Variants in PRKG2 observed in about 807,000 individuals in gnomAD.
The protein encoded by PRKG2 is cGMP-dependent protein kinase 2.
In PRKG2, 33 loss-of-function variants were observed where a neutral mutation model predicts 97.2. The ratio of observed to expected loss-of-function variants is 0.34; its 90% confidence interval spans 0.26 to 0.45. PRKG2 has a LOEUF of 0.45. PRKG2 is among the 20% of genes least tolerant of loss of function. PRKG2 has a pLI of 1.00. For synonymous variants in PRKG2, 330 were observed against 321.8 expected (o/e 1.03, Z -0.27); for missense variants, 638 against 900.0 (o/e 0.71, Z 3.73).
chr4:81,182,404 A>T (rs1658096205), intron 2 of PRKG2, among the ~76,000 whole-genome samples: 1 of 152,050 alleles, frequency 6.6e-6, no homozygotes, highest in Non-Finnish European at 1.5e-5. Flanking sequence ...AATCTCCTTA[A>T]TCTGATAAAA....
intron 18 of PRKG2, among the ~76,000 whole-genome samples, chr4:81,092,149 G>C (rs1016741602): frequency 1.3e-5 from 2 of 151,860 alleles, no homozygotes; most frequent in East Asian, 3.9e-4. Flanking sequence ...TGGGACTTAA[G>C]TGGCACTGAC....
upstream of PRKG2, among the ~76,000 whole-genome samples, chr4:81,216,059 G>C (rs1264207802): frequency 6.6e-6 from 1 of 152,084 alleles, no homozygotes; most frequent in Admixed American, 6.6e-5. Context: ...TTTCTGTGTT[G>C]AGAGATGGAA....
intron 2 of PRKG2, chr4:81,176,147 A>G (rs1396677519): frequency 1.3e-5 from 2 of 152,120 alleles, no homozygotes; most frequent in African/African-American, 4.8e-5. Flanking sequence ...CTTCTTCCCT[A>G]CAGTGACTCA....
At chr4:81,213,045 C>A (rs1269576317) in intron 1 of PRKG2, among the ~76,000 whole-genome samples, 1 of 152,118 alleles carries the variant, frequency 6.6e-6, no homozygotes, top group Admixed American at 6.5e-5. Context: ...ACACATAGGG[C>A]ACCGTGTATG....
chr4:81,091,563 G>A (rs370103538), intron 18 of PRKG2, among the ~76,000 whole-genome samples: 3 of 152,148 alleles, frequency 2.0e-5, no homozygotes, highest in South Asian at 4.1e-4. Flanking sequence ...GATTACAGGC[G>A]TGAGCCACCA....
chr4:81,129,716 C>A (rs1745968418), intron 14 of PRKG2, among the ~76,000 whole-genome samples: 1 of 152,244 alleles, frequency 6.6e-6, no homozygotes, highest in East Asian at 1.9e-4. Flanking sequence ...GCATTTTGAG[C>A]CTATGTGTGT....
intron 6 of PRKG2, among the ~76,000 whole-genome samples, chr4:81,154,927 C>G (rs1032832954): frequency 6.6e-6 from 1 of 152,136 alleles, no homozygotes; most frequent in African/African-American, 2.4e-5. Context: ...GTAATCCCAG[C>G]ACTTTGGGAG....
At chr4:81,193,124 T>G (rs1455623270) in intron 2 of PRKG2, 1 of 152,220 alleles carries the variant, frequency 6.6e-6, no homozygotes, top group African/African-American at 2.4e-5. Flanking sequence ...GCCAGTGACC[T>G]TGACCTTCCT....
intron 6 of PRKG2, among the ~76,000 whole-genome samples, 197 bp from the exon 7 acceptor site, chr4:81,153,918 C>T (rs879300454): frequency 5.9e-5 from 9 of 152,068 alleles, no homozygotes; most frequent in Non-Finnish European, 1.2e-4. Flanking sequence ...GCGCACCGTG[C>T]GCGAGCCGAA....
At chr4:81,203,416 C>A (rs1352357166) in intron 2 of PRKG2, among the ~76,000 whole-genome samples, 2 of 152,074 alleles carry the variant, frequency 1.3e-5, no homozygotes, top group Non-Finnish European at 2.9e-5. Flanking sequence ...ATTAATTAAA[C>A]CTCCCTTTAT....
chr4:81,171,586 G>T, intron 4 of PRKG2, 105 bp downstream of exon 4: 1 of 780,004 alleles, frequency 1.3e-6, no homozygotes, highest in Non-Finnish European at 2.0e-6. Flanking sequence ...AACATATAGG[G>T]TAAAATGGGA....
In PRKG2 at chr4:81,132,284, C is replaced by T. The variant is rs187031252; in HGVS notation, c.1776+2871G>A. 2.2e-4 allele frequency among the ~76,000 whole-genome samples: 34 copies of T among 152,054 alleles called. 1 individual carries two copies. The highest frequency in any genetic ancestry group is 6.7e-4 in the African/African-American group (28 of 41,506). On this transcript the variant is annotated intron_variant, in intron 14 of 18. Coordinates refer to ENST00000264399, the MANE Select transcript of PRKG2 (RefSeq NM_006259.3). ...TCATACTTACCTCTTGTTTCAAGTACCTCTTTGGTAGAGTCTTCAGACTTT... is the reference window on the plus strand; with the variant it reads ...TCATACTTACCTCTTGTTTCAAGTATCTCTTTGGTAGAGTCTTCAGACTTT...
intron 6 of PRKG2, chr4:81,153,974 A>C (rs1028098643): frequency 3.4e-6 from 1 of 298,070 alleles, no homozygotes; most frequent in African/African-American, 2.2e-5. Context: ...GGGGTCAGGG[A>C]GTTCCCTTTC....
chr4:81,123,612 G>C (rs1745277404), intron 14 of PRKG2, among the ~76,000 whole-genome samples: 1 of 152,108 alleles, frequency 6.6e-6, no homozygotes, highest in South Asian at 2.1e-4. Flanking sequence ...CACCATGTTA[G>C]ACAGGATGGT....
chr4:81,150,008 A>T (rs1430830066), intron 8 of PRKG2, among the ~76,000 whole-genome samples: 1 of 152,166 alleles, frequency 6.6e-6, no homozygotes, highest in Non-Finnish European at 1.5e-5. Flanking sequence ...GTTAGAAGAT[A>T]TCAGTGAAAA....
At chr4:81,111,849 A>C (rs1004991451) in intron 14 of PRKG2, among the ~76,000 whole-genome samples, 1 of 152,180 alleles carries the variant, frequency 6.6e-6, no homozygotes, top group African/African-American at 2.4e-5. Context: ...ATATATACAG[A>C]TATTATTCTA....
In PRKG2 at chr4:81,174,907, G is replaced by T; in HGVS notation, c.514C>A (p.Leu172Met). The T allele has an allele frequency of 1.9e-6, 3 of 1,612,708 alleles. No homozygotes were observed. The highest frequency in any genetic ancestry group is 2.5e-6 in the Non-Finnish European group (3 of 1,179,088). Residue 172 changes from leucine (L) to methionine (M), a missense_variant, in exon 3 of 19, where the codon CTG (leucine) becomes ATG (methionine). By Grantham distance (15) the Leu-to-Met change is conservative. Transcript: ENST00000264399. ...ATGTCTTTGATCTGCTGAGGATCCAGTCTTTTCAGAAACTGATTTTTATTA... is the reference window on the plus strand; with the variant it reads ...ATGTCTTTGATCTGCTGAGGATCCATTCTTTTCAGAAACTGATTTTTATTA... Reference protein sequence around the residue: ...ALNKNQFLKRLDPQQIKDMVE... With the variant: ...ALNKNQFLKRMDPQQIKDMVE...
chr4:81,214,872 AC>A (rs1311528144), intron 1 of PRKG2, 63 bp downstream of exon 1: 1 of 152,162 alleles, frequency 6.6e-6, no homozygotes, highest in Non-Finnish European at 1.5e-5. Context: ...GCGCACCCCG[AC>A]CCCGTCCCTC....
At position 81,151,968 on chromosome 4, in the gene PRKG2, A is replaced by G. The variant is rs755103359; in HGVS notation, c.1077T>C (p.Ala359=). The change falls in exon 8 of 19, where the codon GCT becomes GCC. Residue 359 remains alanine (A), a synonymous_variant. Transcript: ENST00000264399. Reference sequence around the variant, plus strand: ...ATAATTCATGAATTCACCTGATAAGAGCTTTTTCTCCAAAGTATTCTCCTT... The same window carrying G: ...ATAATTCATGAATTCACCTGATAAGGGCTTTTTCTCCAAAGTATTCTCCTT... ...LQKGEYFGEK[A]LISDDVRSAN... 5 of 1,607,656 alleles carry G rather than the reference A, an allele frequency of 3.1e-6. No homozygotes were observed. Among genetic ancestry groups the G allele is most frequent in the Non-Finnish European group, 4.3e-6 (5 of 1,175,226 alleles).
Sources: allele counts gnomAD v4.1 joint callset (sites outside exome capture counted in the v4.1 genomes callset), GRCh38; gene constraint gnomAD v4.1.1; transcripts MANE v1.5; gene names NCBI Gene and HGNC (gene_info 2026-07-23, HGNC 2026-07-21).